Variants in ZNRF3 observed in about 807,000 individuals in gnomAD.
The protein encoded by ZNRF3 is zinc and ring finger 3.
A neutral mutation model predicts 72.5 loss-of-function variants in ZNRF3; 23 were observed. That is an observed-to-expected ratio of 0.32 (90% CI 0.23 to 0.45). The LOEUF (loss-of-function observed/expected upper bound fraction) is 0.45. Among genes scored for constraint, ZNRF3 ranks in the 20% least tolerant of loss-of-function variants. The pLI is 1.00. For synonymous variants in ZNRF3, 610 were observed against 545.3 expected (o/e 1.12, Z -1.65); for missense variants, 1,169 against 1,272.1 (o/e 0.92, Z 1.23).
intron 2 of ZNRF3, among the ~76,000 whole-genome samples, chr22:28,990,297 A>T (rs1415168768): frequency 2.6e-5 from 4 of 152,244 alleles, no homozygotes; most frequent in Non-Finnish European, 1.5e-5. Flanking sequence ...GATTCTAGTT[A>T]CAGCATTGAA....
At chr22:28,982,555 G>A (rs1204019223) in intron 1 of ZNRF3, among the ~76,000 whole-genome samples, 3 of 141,372 alleles carry the variant, frequency 2.1e-5, no homozygotes, top group Admixed American at 7.2e-5. Context: ...GACAGAACAA[G>A]ACCCTGCCTT....
At chr22:29,047,477 G>C (rs981037777) in intron 6 of ZNRF3, among the ~76,000 whole-genome samples, 1 of 152,210 alleles carries the variant, frequency 6.6e-6, no homozygotes, top group African/African-American at 2.4e-5. Flanking sequence ...TGCAGAGACT[G>C]TTGGATGGAA....
chr22:28,973,537 C>A (rs759363425), intron 1 of ZNRF3, among the ~76,000 whole-genome samples: 8 of 152,092 alleles, frequency 5.3e-5, no homozygotes, highest in Non-Finnish European at 8.8e-5. Context: ...TACTGGGATC[C>A]ACCGTGGGCC....
rs1404519070 is a variant in ZNRF3, at chr22:29,030,781, G to C, written c.427-11714G>C. Among the ~76,000 whole-genome samples the C allele has an allele frequency of 6.6e-6, 1 of 152,016 alleles. No individual in the cohort carries two copies. The highest frequency in any genetic ancestry group is 2.4e-5 in the African/African-American group (1 of 41,374). ...GACCCTGCAGGGCGGTACACGACGG[G>C]TGGGAGTGGGGAGGAGGAGGGCTCC... is the stretch of plus-strand genomic sequence containing the variant. On this transcript the variant is annotated intron_variant, in intron 2 of 8. Transcript: ENST00000544604. The surrounding 1 kb of genome is among the most constrained non-coding windows in gnomAD (Gnocchi z 4.2).
intron 1 of ZNRF3, among the ~76,000 whole-genome samples, chr22:28,895,495 G>A (rs5997413): frequency 0.021 from 3,248 of 152,126 alleles, 36 homozygotes; most frequent in South Asian, 0.026. Context: ...ATGAAACCCC[G>A]TCTCTACTAA....
rs57329565 is a variant in ZNRF3, at chr22:28,994,176, C to CTTTTTTTTTTTT, written c.426+6991_426+7002dup. Among the ~76,000 whole-genome samples, 117 of 39,802 alleles carry CTTTTTTTTTTTT rather than the reference C, an allele frequency of 2.9e-3. 16 individuals carry two copies. The highest frequency in any genetic ancestry group is 9.1e-3 in the African/African-American group (82 of 8,970). The allele number at this position is 39,802 out of a possible 152,430, so 26.1% of individuals were successfully genotyped here. A position where few individuals can be genotyped will look rare whatever the true frequency, so the allele number is the denominator to read the frequency against. On this transcript the variant is annotated intron_variant, in intron 2 of 8. Coordinates refer to ENST00000544604, the MANE Select transcript of ZNRF3 (RefSeq NM_001206998.2). ...TCCTTTATTGTCCTTCAGTTCCTTT[C>CTTTTTTTTTTTT]TTTTTTTTTTTTTTTTTTTTTTTTT...
chr22:29,043,544 G>A (rs1339789958), intron 4 of ZNRF3, 114 bp downstream of exon 4: 11 of 1,344,902 alleles, frequency 8.2e-6, no homozygotes, highest in Non-Finnish European at 1.0e-5. Context: ...CATACCCCAG[G>A]TTCCTGCAGG....
At position 29,030,578 on chromosome 22, in the gene ZNRF3, T is replaced by C. The variant is rs2036726771; in HGVS notation, c.427-11917T>C. 6.6e-6 allele frequency among the ~76,000 whole-genome samples: 1 copy of C among 152,084 alleles called. No individual in the cohort carries two copies. The highest frequency in any genetic ancestry group is 1.5e-5 in the Non-Finnish European group (1 of 68,022). On this transcript the variant is annotated intron_variant, in intron 2 of 8. Coordinates refer to ENST00000544604, the MANE Select transcript of ZNRF3 (RefSeq NM_001206998.2). This position sits in a 1 kb window ranked among gnomAD's most constrained non-coding sequence, Gnocchi z 4.2. Reference sequence around the variant, plus strand: ...GGAGCCTTTGGAGGCTTAATGACTTTAATTATGGCGAGAAATATCTTCTCC... The same window carrying C: ...GGAGCCTTTGGAGGCTTAATGACTTCAATTATGGCGAGAAATATCTTCTCC...
intron 1 of ZNRF3, among the ~76,000 whole-genome samples, chr22:28,914,529 T>C (rs2123763307): frequency 6.7e-6 from 1 of 150,206 alleles, no homozygotes; most frequent in East Asian, 2.0e-4. Context: ...CTTTAAAAGT[T>C]GGAGGCCGGG....
At chr22:28,981,308 A>G (rs1399169000) in intron 1 of ZNRF3, among the ~76,000 whole-genome samples, 2 of 152,242 alleles carry the variant, frequency 1.3e-5, no homozygotes, top group South Asian at 4.1e-4. Context: ...ATTGTTATCC[A>G]GATAAGGACC....
At chr22:28,940,814 A>G (rs770736509) in intron 1 of ZNRF3, among the ~76,000 whole-genome samples, 4 of 152,154 alleles carry the variant, frequency 2.6e-5, no homozygotes, top group Non-Finnish European at 5.9e-5. Context: ...GTAATTTACT[A>G]TTGCAGCCAG....
At chr22:28,957,805 G>A (rs754607479) in intron 1 of ZNRF3, among the ~76,000 whole-genome samples, 6 of 152,090 alleles carry the variant, frequency 3.9e-5, no homozygotes, top group East Asian at 1.9e-4. Flanking sequence ...AGACTGTACC[G>A]TGATTAGGGG....
chr22:29,035,303 T>C (rs1269417664), intron 2 of ZNRF3, among the ~76,000 whole-genome samples: 4 of 152,166 alleles, frequency 2.6e-5, no homozygotes, highest in African/African-American at 4.8e-5. Flanking sequence ...TCATGGCTAT[T>C]AAGGACAGAT....
In ZNRF3 at chr22:28,894,417, A is replaced by G. The variant is rs554254582; in HGVS notation, c.300+10351A>G. Among the ~76,000 whole-genome samples the G allele has an allele frequency of 6.7e-4, 101 of 149,976 alleles. 2 individuals carry two copies. The South Asian group carries it at 0.02, about 30-fold the overall frequency. ...CTGAAGGGAAGGTACCTGGCGTGGC[A>G]TCTGGGTGCCTCCCTTGTAGGTGTA... On this transcript the variant is annotated intron_variant, in intron 1 of 8. Transcript: ENST00000544604.
chr22:28,957,076 G>C (rs2035274823), intron 1 of ZNRF3, among the ~76,000 whole-genome samples: 1 of 152,226 alleles, frequency 6.6e-6, no homozygotes, highest in Admixed American at 6.5e-5. Context: ...CCATTTGGAA[G>C]TAGAATGACA....
At chr22:29,044,494 A>G (rs1417377477) in intron 4 of ZNRF3, among the ~76,000 whole-genome samples, 6 of 152,244 alleles carry the variant, frequency 3.9e-5, no homozygotes, top group African/African-American at 1.4e-4. Context: ...TACCAGTTAC[A>G]GCCAACTTTG....
chr22:28,953,732 T>C lies in ZNRF3; in HGVS notation c.301-33344T>C, dbSNP rs139264416. The stretch of plus-strand genomic sequence containing the variant: ...TCAGACACTTTACAAATGGTACTTA[T>C]ATTAGGTTGAATCTTATGACCTTGC... On this transcript the variant is annotated intron_variant, in intron 1 of 8. Transcript: ENST00000544604. Among the ~76,000 whole-genome samples, 844 of 152,326 alleles carry C rather than the reference T, an allele frequency of 5.5e-3. 9 individuals are homozygous for C. The highest frequency in any genetic ancestry group is 0.02 in the African/African-American group (811 of 41,568).
In ZNRF3 at chr22:28,975,957, G is replaced by A. The variant is rs376838043; in HGVS notation, c.301-11119G>A. Among the ~76,000 whole-genome samples the A allele has an allele frequency of 5.3e-5, 8 of 152,288 alleles. No homozygotes were observed. In the East Asian group the frequency reaches 1.4e-3, roughly 26 times the overall value. On this transcript the variant is annotated intron_variant, in intron 1 of 8. Transcript: ENST00000544604. The stretch of plus-strand genomic sequence containing the variant: ...TTGCTGTTGTATTCATCACCAATAA[G>A]ATGGATGATGATTCTGTTTTCTTAC...
At chr22:28,939,240 T>A (rs1250579301) in intron 1 of ZNRF3, among the ~76,000 whole-genome samples, 1 of 146,154 alleles carries the variant, frequency 6.8e-6, no homozygotes, top group African/African-American at 2.5e-5. Flanking sequence ...GCCAAGATTG[T>A]GCCACTGCAC....
Sources: gnomAD v4.1 joint callset for allele counts (sites outside exome capture counted in the v4.1 genomes callset) on GRCh38, gnomAD v4.1.1 for gene constraint, Gnocchi (gnomAD v3.1) non-coding constraint, MANE v1.5 for transcripts, NCBI Gene and HGNC (gene_info 2026-07-23, HGNC 2026-07-21) for gene names.